C11orf65: variants seen among roughly 807,000 people sequenced by gnomAD.
C11orf65 encodes the protein chromosome 11 open reading frame 65, also known as protein MFI.
C11orf65 carries 38 observed loss-of-function variants against 35.3 expected under a neutral mutation model. The ratio of observed to expected loss-of-function variants is 1.08; its 90% CI spans 0.83 to 1.41. C11orf65 has a LOEUF of 1.41. Among genes scored for constraint, C11orf65 ranks in the 40% most tolerant of loss-of-function variants. The probability of loss-of-function intolerance (pLI) is 0.00; values close to 1 mark genes in which losing one functional copy is unlikely to be tolerated. For missense variants in C11orf65, 370 were observed against 367.1 expected, an observed-to-expected ratio of 1.01 and a Z score of -0.06; for synonymous variants, 105 against 114.4, an observed-to-expected ratio of 0.92 and a Z score of 0.53.
chr11:108,457,098 G>T, intron 2 of C11orf65, among the ~76,000 whole-genome samples: 1 of 152,016 alleles, frequency 6.6e-6, no homozygotes, highest in East Asian at 1.9e-4. Context: ...GTGATTCTAT[G>T]TCAGCCTGAT....
At chr11:108,335,815 C>T (rs2136688930) in intron 2 of C11orf65, 1 of 1,540,388 alleles carries the variant, frequency 6.5e-7, no homozygotes, top group East Asian at 2.3e-5. Context: ...ATAAACTGTA[C>T]TTGTTTATTC....
chr11:108,412,801 T>G (rs770094206), intron 3 of C11orf65, among the ~76,000 whole-genome samples: 3 of 152,132 alleles, frequency 2.0e-5, no homozygotes, highest in Non-Finnish European at 2.9e-5. Flanking sequence ...GAACGAAAGC[T>G]GAGCTGCTAT....
chr11:108,370,681 G>C (rs1460413613), intron 2 of C11orf65, among the ~76,000 whole-genome samples: 1 of 151,156 alleles, frequency 6.6e-6, no homozygotes, highest in Non-Finnish European at 1.5e-5. Flanking sequence ...TCTGTCCCTA[G>C]GCTGCTGTGA....
intron 2 of C11orf65, among the ~76,000 whole-genome samples, chr11:108,376,863 T>A (rs1238879551): frequency 1.3e-5 from 2 of 151,016 alleles, no homozygotes; most frequent in Non-Finnish European, 3.0e-5. Context: ...TCTATGCAAA[T>A]AAACTAGAAA....
downstream of C11orf65, among the ~76,000 whole-genome samples, chr11:108,382,265 G>C (rs982733852): frequency 2.6e-5 from 4 of 152,292 alleles, no homozygotes; most frequent in Admixed American, 2.6e-4. Flanking sequence ...TGCAGTGATA[G>C]AAAACTAATT....
intron 7 of C11orf65, among the ~76,000 whole-genome samples, chr11:108,390,001 T>C (rs940419240): frequency 6.7e-6 from 1 of 149,982 alleles, no homozygotes; most frequent in Non-Finnish European, 1.5e-5. Context: ...GCTGGTTTTT[T>C]TTTTATTTAT....
chr11:108,339,398 T>G (rs1591221403), intron 2 of C11orf65, among the ~76,000 whole-genome samples: 2 of 152,288 alleles, frequency 1.3e-5, no homozygotes, highest in African/African-American at 4.8e-5. Flanking sequence ...GTCATGGTTC[T>G]GGGGAGAGAA....
At chr11:108,347,579 T>G (rs1314678567) in intron 2 of C11orf65, among the ~76,000 whole-genome samples, 1 of 152,138 alleles carries the variant, frequency 6.6e-6, no homozygotes, top group African/African-American at 2.4e-5. Context: ...AGGTGTCTTT[T>G]GAGCCTGGTC....
chr11:108,314,251 G>A (rs2084415288), intron 6 of C11orf65, among the ~76,000 whole-genome samples: 1 of 152,020 alleles, frequency 6.6e-6, no homozygotes, highest in Non-Finnish European at 1.5e-5. Context: ...AAGTAGCTGG[G>A]ACTACAGGCA....
At chr11:108,327,811 A>G, downstream of C11orf65, 2 of 1,260,234 alleles carry the variant, frequency 1.6e-6, no homozygotes, top group Non-Finnish European at 2.3e-6. Flanking sequence ...AATATGCTTC[A>G]TCTTTTCATC....
At chr11:108,349,183 T>C (rs576578041) in intron 2 of C11orf65, among the ~76,000 whole-genome samples, 3 of 152,138 alleles carry the variant, frequency 2.0e-5, no homozygotes, top group African/African-American at 7.2e-5. Context: ...GGAAAATCTT[T>C]TATGAAAGAA....
chr11:108,387,406 C>T (rs949220503), intron 7 of C11orf65, among the ~76,000 whole-genome samples: 3 of 151,924 alleles, frequency 2.0e-5, no homozygotes, highest in South Asian at 2.1e-4. Context: ...CCACCCACCT[C>T]GGCCTCCCAA....
chr11:108,453,458 T>C (rs945661621), intron 2 of C11orf65, among the ~76,000 whole-genome samples: 3 of 152,096 alleles, frequency 2.0e-5, no homozygotes, highest in Non-Finnish European at 4.4e-5. Context: ...ACAAAGATTA[T>C]TTAGAATTAT....
At chr11:108,418,471 GA>G (rs573702444) in intron 3 of C11orf65, among the ~76,000 whole-genome samples, 8 of 152,052 alleles carry the variant, frequency 5.3e-5, no homozygotes, top group Non-Finnish European at 1.0e-4. Flanking sequence ...AATTTGATAT[GA>G]AAATATGACA....
At chr11:108,427,759 G>A (rs560918903) in intron 3 of C11orf65, among the ~76,000 whole-genome samples, 4 of 139,694 alleles carry the variant, frequency 2.9e-5, no homozygotes, top group Non-Finnish European at 6.1e-5. Flanking sequence ...CATCATTACT[G>A]GTCATTAGAG....
At chr11:108,445,396 C>T (rs1344717171) in intron 2 of C11orf65, among the ~76,000 whole-genome samples, 2 of 152,148 alleles carry the variant, frequency 1.3e-5, no homozygotes, top group African/African-American at 4.8e-5. Flanking sequence ...GGGTACTCCT[C>T]TGAGACAAAA....
chr11:108,468,046 G>A (rs192021709), upstream of C11orf65, among the ~76,000 whole-genome samples: 4 of 152,098 alleles, frequency 2.6e-5, no homozygotes, highest in East Asian at 7.7e-4. Flanking sequence ...TGTCCAGGCT[G>A]GTCTTGAACT....
In C11orf65 at chr11:108,383,195, G is replaced by A; in HGVS notation, c.788-20C>T. On this transcript the variant is annotated intron_variant, in intron 8 of 8. Transcript: ENST00000393084. ...TGAATCCTAAAGAGAAGTGACAAAT[G>A]ATTAGAAAGATACCAGATATAATAA... 6.5e-7 allele frequency: 1 copy of A among 1,533,086 alleles called. No individual in the cohort carries two copies. Among genetic ancestry groups the A allele is most frequent in the Non-Finnish European group, 8.8e-7 (1 of 1,130,426 alleles). The allele number at this position is 1,533,086 out of a possible 1,614,324, so 95.0% of individuals were successfully genotyped here.
At chr11:108,414,093 CAAG>C (rs931980860) in intron 3 of C11orf65, among the ~76,000 whole-genome samples, 12 of 151,562 alleles carry the variant, frequency 7.9e-5, no homozygotes, top group African/African-American at 2.9e-4. Context: ...AAATTGATAA[CAAG>C]AAATCTATAA....
Sources: allele counts gnomAD v4.1 joint callset (sites outside exome capture counted in the v4.1 genomes callset), GRCh38; gene constraint gnomAD v4.1.1; transcripts MANE v1.5; gene names NCBI Gene and HGNC (gene_info 2026-07-23, HGNC 2026-07-21).